Variants in RLIG1 observed in about 807,000 individuals in gnomAD.
RLIG1 encodes RNA ligase 1.
chr12:88,048,588 A>G, the RLIG1 span: 1 of 472,330 alleles, frequency 2.1e-6, no homozygotes, highest in Middle Eastern at 5.9e-4. Flanking sequence ...TTTATTAAAA[A>G]CCAGCAAATT....
chr12:88,043,109 T>G, the RLIG1 span, among the ~76,000 whole-genome samples: 1 of 152,212 alleles, frequency 6.6e-6, no homozygotes, highest in Non-Finnish European at 1.5e-5. Context: ...TATTTGTCAC[T>G]TCTTTATAGT....
At chr12:88,046,576 T>G in the RLIG1 span, among the ~76,000 whole-genome samples, 1 of 152,216 alleles carries the variant, frequency 6.6e-6, no homozygotes, top group Non-Finnish European at 1.5e-5. Context: ...TGTCCAGACT[T>G]GACCTGCAGG....
At chr12:88,043,436 C>G in the RLIG1 span, among the ~76,000 whole-genome samples, 1 of 152,006 alleles carries the variant, frequency 6.6e-6, no homozygotes, top group Admixed American at 6.5e-5. Flanking sequence ...TGTTAGTACC[C>G]TAATCTTAAG....
At chr12:88,047,372 T>G in the RLIG1 span, among the ~76,000 whole-genome samples, 1 of 152,138 alleles carries the variant, frequency 6.6e-6, no homozygotes, top group South Asian at 2.1e-4. Flanking sequence ...TATACTTTGT[T>G]CCCTTTCTGT....
chr12:88,042,069 A>T, the RLIG1 span: 1 of 152,316 alleles, frequency 6.6e-6, no homozygotes, highest in East Asian at 1.9e-4. Context: ...CACAGTAAGG[A>T]GTATGGAGAG....
the RLIG1 span, chr12:88,035,556 G>T: frequency 7.5e-7 from 1 of 1,332,106 alleles, no homozygotes; most frequent in East Asian, 2.5e-5. Flanking sequence ...CGTGGCCTGA[G>T]CCGTGCGGGT....
At chr12:88,043,189 G>C in the RLIG1 span, among the ~76,000 whole-genome samples, 1 of 151,754 alleles carries the variant, frequency 6.6e-6, no homozygotes, top group South Asian at 2.1e-4. Flanking sequence ...AGACAAATAC[G>C]TAATTTTATA....
At chr12:88,038,262 G>C in the RLIG1 span, among the ~76,000 whole-genome samples, 1 of 152,092 alleles carries the variant, frequency 6.6e-6, no homozygotes, top group Non-Finnish European at 1.5e-5. Flanking sequence ...ATGAGGTCTC[G>C]TCTAAGAGGT....
the RLIG1 span, among the ~76,000 whole-genome samples, chr12:88,037,737 T>C: frequency 6.6e-6 from 1 of 152,358 alleles, no homozygotes; most frequent in Non-Finnish European, 1.5e-5. Context: ...CTGTTTGCAA[T>C]AGTGCATAAG....
chr12:88,049,390 C>CT, the RLIG1 span: 5 of 1,502,496 alleles, frequency 3.3e-6, no homozygotes, highest in African/African-American at 1.4e-5. Flanking sequence ...TTTTCCAGTT[C>CT]TTTTTTCAGC....
At chr12:88,045,618 G>T in the RLIG1 span, 1 of 1,612,536 alleles carries the variant, frequency 6.2e-7, no homozygotes, top group Admixed American at 1.7e-5. Flanking sequence ...AAACAGTATT[G>T]CTGGCATTCC....
At chr12:88,048,160 G>T in the RLIG1 span, 2 of 1,167,084 alleles carry the variant, frequency 1.7e-6, no homozygotes, top group South Asian at 2.4e-5. Context: ...GGCAGACAGT[G>T]GGCACTCAAA....
chr12:88,046,717 G>A, the RLIG1 span: 2 of 1,224,100 alleles, frequency 1.6e-6, no homozygotes, highest in Admixed American at 4.5e-5. Flanking sequence ...ATTCCTAAGT[G>A]TTTCAAAAGA....
chr12:88,045,608 A>G, the RLIG1 span: 20 of 1,612,114 alleles, frequency 1.2e-5, no homozygotes, highest in East Asian at 2.9e-4. Flanking sequence ...GAAAAACAAC[A>G]AACAGTATTG....
At chr12:88,043,754 T>G in the RLIG1 span, 2,220 of 1,371,514 alleles carry the variant, frequency 1.6e-3, 2 homozygotes, top group Non-Finnish European at 2.0e-3. Flanking sequence ...TTGTGTTTAC[T>G]AGTAAAATGA....
chr12:88,035,983 A>G, the RLIG1 span: 21 of 1,517,276 alleles, frequency 1.4e-5, no homozygotes, highest in East Asian at 5.1e-5. Context: ...AGGAGATTCA[A>G]ACTTGTCCTC....
chr12:88,036,936 G>A, the RLIG1 span, among the ~76,000 whole-genome samples: 1 of 152,098 alleles, frequency 6.6e-6, no homozygotes. Flanking sequence ...TGTTTGAGGG[G>A]AGTAGTTTGT....
At chr12:88,040,185 A>G in the RLIG1 span, 2 of 1,611,104 alleles carry the variant, frequency 1.2e-6, no homozygotes, top group Non-Finnish European at 1.7e-6. Flanking sequence ...GTAAGTCACA[A>G]GGCATTAGAT....
chr12:88,037,031 A>G, the RLIG1 span, among the ~76,000 whole-genome samples: 1 of 152,182 alleles, frequency 6.6e-6, no homozygotes, highest in East Asian at 1.9e-4. Context: ...CGTTTATAGC[A>G]TAGCATCCAC....
Sources: gnomAD v4.1 joint callset for allele counts (sites outside exome capture counted in the v4.1 genomes callset) on GRCh38, gnomAD v4.1.1 for gene constraint, MANE v1.5 for transcripts, NCBI Gene and HGNC (gene_info 2026-07-23, HGNC 2026-07-21) for gene names.